The following C2CD5 variants were observed in gnomAD, a reference collection of about 807,000 sequenced individuals.
C2CD5 encodes C2 calcium dependent domain containing 5.
In C2CD5, 109 loss-of-function variants were observed where a neutral mutation model predicts 130.3. The ratio of observed to expected loss-of-function variants is 0.84; its 90% confidence interval spans 0.72 to 0.98. The LOEUF is 0.98. Among genes scored for constraint, C2CD5 ranks in the 50% least tolerant of loss-of-function variants. The probability of loss-of-function intolerance (pLI) is 0.00; values close to 1 mark genes in which losing one functional copy is unlikely to be tolerated. For missense variants in C2CD5, 996 were observed against 1,261.8 expected, an observed-to-expected ratio of 0.79 and a Z score of 3.19; for synonymous variants, 454 against 429.2, an observed-to-expected ratio of 1.06 and a Z score of -0.71.
At chr12:22,480,317 G>A (rs1291554307) in intron 14 of C2CD5, among the ~76,000 whole-genome samples, 1 of 152,162 alleles carries the variant, frequency 6.6e-6, no homozygotes, top group East Asian at 1.9e-4. Context: ...CCTGTAAAGT[G>A]AAGATAATAT....
chr12:22,484,507 C>G, intron 13 of C2CD5, 190 bp downstream of exon 13: 1 of 407,884 alleles, frequency 2.5e-6, no homozygotes, highest in Non-Finnish European at 4.3e-6. Context: ...CTTTTGTACA[C>G]AAACTTATTT....
chr12:22,512,112 T>C (rs1308763339), intron 9 of C2CD5, among the ~76,000 whole-genome samples: 1 of 152,172 alleles, frequency 6.6e-6, no homozygotes. Flanking sequence ...AACTGCTGCT[T>C]GATAGAGCAT....
intron 17 of C2CD5, 49 bp downstream of exon 17, chr12:22,472,695 C>G (rs1182408119): frequency 9.9e-7 from 1 of 1,012,718 alleles, no homozygotes; most frequent in Non-Finnish European, 1.6e-6. Context: ...TGAGCTAAAA[C>G]ATTTATATGT....
chr12:22,451,627 A>G (rs1255646471), intron 26 of C2CD5, among the ~76,000 whole-genome samples: 1 of 152,102 alleles, frequency 6.6e-6, no homozygotes, highest in Non-Finnish European at 1.5e-5. Context: ...TAAGTTTTTT[A>G]GCCCTCAGTT....
At chr12:22,485,072 T>C (rs1945294847) in intron 12 of C2CD5, among the ~76,000 whole-genome samples, 184 bp from the exon 13 acceptor site, 1 of 152,098 alleles carries the variant, frequency 6.6e-6, no homozygotes, top group Non-Finnish European at 1.5e-5. Context: ...ATCAGAACCA[T>C]ACATTTTTCC....
chr12:22,490,307 C>A (rs1339585439), intron 11 of C2CD5, 89 bp from the exon 12 acceptor site: 3 of 856,530 alleles, frequency 3.5e-6, no homozygotes, highest in Non-Finnish European at 5.6e-6. Context: ...ATAACAGTGA[C>A]AATTTAAGTT....
intron 22 of C2CD5, among the ~76,000 whole-genome samples, chr12:22,462,838 G>A (rs898070607): frequency 6.6e-6 from 1 of 152,136 alleles, no homozygotes; most frequent in African/African-American, 2.4e-5. Flanking sequence ...TGTAATCTCA[G>A]CACTTTGGGA....
intron 14 of C2CD5, among the ~76,000 whole-genome samples, chr12:22,480,539 C>T (rs186171894): frequency 6.6e-6 from 1 of 152,296 alleles, no homozygotes; most frequent in Non-Finnish European, 1.5e-5. Context: ...ATATTTGAGG[C>T]AAGTCTTGAA....
intron 19 of C2CD5, 69 bp from the exon 20 acceptor site, chr12:22,471,557 T>C: frequency 2.3e-6 from 2 of 855,004 alleles, no homozygotes; most frequent in South Asian, 1.9e-5. Context: ...ATTTTTTTAA[T>C]GTACATTATA....
intron 17 of C2CD5, 65 bp downstream of exon 17, chr12:22,472,679 C>G (rs1163496038): frequency 1.1e-6 from 1 of 919,602 alleles, no homozygotes; most frequent in Non-Finnish European, 1.8e-6. Context: ...AGTACTGTAA[C>G]AATTATGAGC....
chr12:22,525,089 C>T (rs1236959951), intron 5 of C2CD5, among the ~76,000 whole-genome samples: 1 of 152,174 alleles, frequency 6.6e-6, no homozygotes, highest in Non-Finnish European at 1.5e-5. Context: ...TCTGACATAA[C>T]CTGAGGAGTC....
At chr12:22,492,790 T>C (rs1946515978) in intron 11 of C2CD5, among the ~76,000 whole-genome samples, 1 of 152,038 alleles carries the variant, frequency 6.6e-6, no homozygotes, top group Non-Finnish European at 1.5e-5. Flanking sequence ...TTACAGTAGG[T>C]AAAAGGAGGC....
At chr12:22,544,283 C>G (rs1435330858) in intron 1 of C2CD5, 37 bp downstream of exon 1, 3 of 687,144 alleles carry the variant, frequency 4.4e-6, no homozygotes, top group African/African-American at 1.9e-5. Flanking sequence ...GGGGCGCGCG[C>G]GGGCGCCCGG....
chr12:22,456,697 G>A (rs16924964), intron 25 of C2CD5, among the ~76,000 whole-genome samples: 3,202 of 152,178 alleles, frequency 0.021, 110 homozygotes, highest in African/African-American at 0.073. Context: ...TTCTTTCAGG[G>A]CTATTTTAAA....
At chr12:22,459,113 T>C (rs1404201356) in intron 23 of C2CD5, among the ~76,000 whole-genome samples, 5 of 152,138 alleles carry the variant, frequency 3.3e-5, no homozygotes, top group African/African-American at 1.2e-4. Flanking sequence ...CAAAGGGCCA[T>C]TTTTGTTAAT....
chr12:22,486,128 T>C (rs1182663379), intron 12 of C2CD5, among the ~76,000 whole-genome samples: 1 of 151,312 alleles, frequency 6.6e-6, no homozygotes, highest in Non-Finnish European at 1.5e-5. Flanking sequence ...ATCCTGTACT[T>C]AGGATCCCTA....
At chr12:22,459,444 T>C in intron 23 of C2CD5, 48 bp downstream of exon 23, 1 of 1,251,292 alleles carries the variant, frequency 8.0e-7, no homozygotes, top group Non-Finnish European at 1.1e-6. Flanking sequence ...ACCACCAAAC[T>C]AGAATTTTAC....
rs140600565 is a variant in C2CD5, at chr12:22,468,638, T to C, written c.2533+1071A>G. On this transcript the variant is annotated intron_variant, in intron 22 of 26. Coordinates refer to ENST00000446597, the MANE Select transcript of C2CD5 (RefSeq NM_001286176.2). ...CTATTCTTTCAAGGACATTGAGATA[T>C]GCTACAATTCTCTATGGAGTTCTAA... Among the ~76,000 whole-genome samples the C allele has an allele frequency of 2.1e-3, 326 of 152,320 alleles. 1 individual carries two copies. Among genetic ancestry groups the C allele is most frequent in the African/African-American group, 6.9e-3 (288 of 41,576 alleles).
At chr12:22,483,085 T>C (rs1944958698) in intron 13 of C2CD5, among the ~76,000 whole-genome samples, 1 of 152,168 alleles carries the variant, frequency 6.6e-6, no homozygotes, top group Non-Finnish European at 1.5e-5. Context: ...AGGGGATGGA[T>C]ACCCCATCTT....
Sources: allele counts gnomAD v4.1 joint callset (sites outside exome capture counted in the v4.1 genomes callset), GRCh38; gene constraint gnomAD v4.1.1; transcripts MANE v1.5; gene names NCBI Gene and HGNC (gene_info 2026-07-23, HGNC 2026-07-21).